The following HIPK2 variants were observed in gnomAD, a reference collection of about 807,000 sequenced individuals.
HIPK2 encodes homeodomain interacting protein kinase 2.
HIPK2 carries 27 observed loss-of-function variants against 113.7 expected under a neutral mutation model. The observed-to-expected ratio is 0.24, with a 90% confidence interval of 0.17 to 0.33. The LOEUF is 0.33. HIPK2 is among the 10% of genes least tolerant of loss of function. HIPK2 has a pLI of 1.00. For synonymous variants in HIPK2, 631 were observed against 642.2 expected, an observed-to-expected ratio of 0.98 and a Z score of 0.26; for missense variants, 1,257 against 1,588.0, an observed-to-expected ratio of 0.79 and a Z score of 3.54.
In HIPK2 at chr7:139,754,683, C is replaced by A. The variant is rs181945627; in HGVS notation, c.19+22922G>T. The stretch of plus-strand genomic sequence containing the variant: ...AACCAACAGAACAAAGTGCTAAGAG[C>A]CTGAGAAAACACCATCTCTTCTTTA... On this transcript the variant is annotated intron_variant, in intron 1 of 14. Transcript: ENST00000406875. Among the ~76,000 whole-genome samples the A allele has an allele frequency of 3.9e-5, 6 of 152,254 alleles. No homozygotes were observed. The East Asian group carries it at 7.7e-4, about 20-fold the overall frequency.
intron 1 of HIPK2, among the ~76,000 whole-genome samples, chr7:139,745,370 A>C (rs1337582479): frequency 6.6e-6 from 1 of 152,136 alleles, no homozygotes; most frequent in Non-Finnish European, 1.5e-5. Context: ...TTCAAGTGTG[A>C]GGATAAAGGC....
intron 1 of HIPK2, among the ~76,000 whole-genome samples, chr7:139,737,792 A>G (rs1219339439): frequency 1.3e-5 from 2 of 152,242 alleles, no homozygotes; most frequent in African/African-American, 2.4e-5. Context: ...AGAAAAAAGA[A>G]AAACAGTGCG....
Position 139,777,631 on chromosome 7 carries a change from G to A in HIPK2, c.-8C>T. 9.2e-7 allele frequency: 1 copy of A among 1,088,158 alleles called. No individual in the cohort carries two copies. Among genetic ancestry groups the A allele is most frequent in the Non-Finnish European group, 1.1e-6 (1 of 894,566 alleles). 67.4% of individuals were successfully genotyped at this position (1,088,158 alleles called of 1,614,324 possible). The stretch of plus-strand genomic sequence containing the variant: ...TTCGTACACGGGGGCCATCGGGGCC[G>A]GGGTGTCCGCGGTTCATGGCAACGG... On this transcript the variant is annotated 5_prime_UTR_variant, in exon 1 of 15. Transcript: ENST00000406875.
intron 1 of HIPK2, among the ~76,000 whole-genome samples, chr7:139,725,716 T>C (rs531569274): frequency 2.6e-5 from 4 of 152,362 alleles, no homozygotes; most frequent in Non-Finnish European, 4.4e-5. Context: ...ACTGTCCTGA[T>C]TGCCTTTGCT....
intron 12 of HIPK2, among the ~76,000 whole-genome samples, chr7:139,595,844 C>G (rs1799194281): frequency 6.6e-6 from 1 of 152,216 alleles, no homozygotes; most frequent in Non-Finnish European, 1.5e-5. Flanking sequence ...ATAATTCGAG[C>G]CTAATTGTGA....
At chr7:139,758,465 G>T (rs1385196032) in intron 1 of HIPK2, among the ~76,000 whole-genome samples, 2 of 151,816 alleles carry the variant, frequency 1.3e-5, no homozygotes, top group Admixed American at 6.6e-5. Context: ...TAAAACAGGG[G>T]TCCCCAACCA....
chr7:139,602,265 T>C (rs1452368398), intron 10 of HIPK2, among the ~76,000 whole-genome samples: 2 of 152,262 alleles, frequency 1.3e-5, no homozygotes, highest in African/African-American at 2.4e-5. Context: ...GAAACTGATA[T>C]TATGGCTTCT....
chr7:139,682,171 A>G (rs1347221175), intron 2 of HIPK2, among the ~76,000 whole-genome samples: 1 of 152,162 alleles, frequency 6.6e-6, no homozygotes, highest in Non-Finnish European at 1.5e-5. Flanking sequence ...TCTATTGCCA[A>G]GCTGTTCAAT....
chr7:139,707,782 G>A (rs1036443123), intron 2 of HIPK2, among the ~76,000 whole-genome samples: 5 of 152,222 alleles, frequency 3.3e-5, no homozygotes, highest in African/African-American at 1.2e-4. Flanking sequence ...CCCAGCTGTG[G>A]CTACAGGGAG....
chr7:139,754,102 G>C (rs531433948), intron 1 of HIPK2, among the ~76,000 whole-genome samples: 7 of 152,292 alleles, frequency 4.6e-5, no homozygotes, highest in African/African-American at 1.7e-4. Context: ...CCAATTTAGG[G>C]GACAGTCCTG....
chr7:139,658,461 A>G (rs1277397797), intron 2 of HIPK2, among the ~76,000 whole-genome samples: 1 of 152,266 alleles, frequency 6.6e-6, no homozygotes, highest in Admixed American at 6.5e-5. Flanking sequence ...AGATGAGCCA[A>G]GAGTTTTCAA....
chr7:139,665,181 T>C (rs868264704), intron 2 of HIPK2, among the ~76,000 whole-genome samples: 2 of 152,084 alleles, frequency 1.3e-5, no homozygotes, highest in African/African-American at 4.8e-5. Flanking sequence ...GGGACTGCAG[T>C]TGCATGCCAC....
At chr7:139,749,487 C>T (rs1428865632) in intron 1 of HIPK2, among the ~76,000 whole-genome samples, 1 of 152,194 alleles carries the variant, frequency 6.6e-6, no homozygotes, top group African/African-American at 2.4e-5. Flanking sequence ...CTCTATGCCT[C>T]AGTTTACCCT....
At position 139,709,734 on chromosome 7, in the gene HIPK2, T is replaced by A. The variant is rs144699781; in HGVS notation, c.1103+6198A>T. 8.2e-3 allele frequency among the ~76,000 whole-genome samples: 1,257 copies of A among 152,366 alleles called. 8 individuals are homozygous for A. Among genetic ancestry groups the A allele is most frequent in the Non-Finnish European group, 0.012 (836 of 68,038 alleles). On this transcript the variant is annotated intron_variant, in intron 2 of 14. Transcript: ENST00000406875. ...AATGGAACACAGCTTGGGGCAGGGC[T>A]AGGACTGGTGCTAAGGTCTCTGGTT...
chr7:139,590,209 TA>T (rs2116604652), intron 12 of HIPK2, among the ~76,000 whole-genome samples: 1 of 152,280 alleles, frequency 6.6e-6, no homozygotes, highest in African/African-American at 2.4e-5. Context: ...GAGATAGCGA[TA>T]GGGGCAGAGT....
chr7:139,661,571 T>C (rs1396190705), intron 2 of HIPK2, among the ~76,000 whole-genome samples: 1 of 152,152 alleles, frequency 6.6e-6, no homozygotes, highest in African/African-American at 2.4e-5. Context: ...CACAATACAA[T>C]GAACATAAAA....
intron 1 of HIPK2, among the ~76,000 whole-genome samples, chr7:139,734,736 G>A (rs1193901464): frequency 1.3e-5 from 2 of 152,180 alleles, no homozygotes; most frequent in African/African-American, 4.8e-5. Context: ...GGGGACCACT[G>A]ATTCATTAAT....
intron 2 of HIPK2, among the ~76,000 whole-genome samples, chr7:139,643,926 G>A (rs996278176): frequency 1.3e-5 from 2 of 152,110 alleles, no homozygotes; most frequent in Admixed American, 6.6e-5. Flanking sequence ...CTGGTCTCTG[G>A]TGCTATACCA....
intron 2 of HIPK2, among the ~76,000 whole-genome samples, chr7:139,681,938 C>T (rs148606616): frequency 1.3e-5 from 2 of 152,154 alleles, no homozygotes; most frequent in African/African-American, 2.4e-5. Context: ...CATGGCCTGG[C>T]CTGAGTGGGC....
Sources: gnomAD v4.1 joint callset for allele counts (sites outside exome capture counted in the v4.1 genomes callset) on GRCh38, gnomAD v4.1.1 for gene constraint, MANE v1.5 for transcripts, NCBI Gene and HGNC (gene_info 2026-07-23, HGNC 2026-07-21) for gene names.